Variants in NUP35 observed in about 807,000 individuals in gnomAD.
NUP35 encodes nucleoporin 35.
In NUP35, 25 loss-of-function variants were observed where a neutral mutation model predicts 41.5. That is an observed-to-expected ratio of 0.60 (90% confidence interval 0.44 to 0.84). The LOEUF is 0.84. NUP35 is among the 40% of genes least tolerant of loss of function. The pLI is 0.00. For missense variants in NUP35, 396 were observed against 396.6 expected (o/e 1.00, Z 0.01); for synonymous variants, 149 against 130.7 (o/e 1.14, Z -0.96).
chr2:183,127,297 T>C (rs1684528477), intron 1 of NUP35, among the ~76,000 whole-genome samples: 1 of 150,966 alleles, frequency 6.6e-6, no homozygotes, highest in South Asian at 2.1e-4. Flanking sequence ...TTTTTTTAAA[T>C]AAAAAAGATG....
At chr2:183,152,503 T>C (rs1685507215) in intron 5 of NUP35, among the ~76,000 whole-genome samples, 1 of 152,186 alleles carries the variant, frequency 6.6e-6, no homozygotes, top group African/African-American at 2.4e-5. Context: ...CATCATAGCT[T>C]AGCTCCCACT....
rs1194581029 is a variant in NUP35 at position 183,143,881 on chromosome 2, T to C, written c.398-7627T>C. On this transcript the variant is annotated intron_variant, in intron 4 of 8. Transcript: ENST00000295119. Reference sequence around the variant, plus strand: ...TGATTGGACATTGTACCATTCAATATGCTTTTTCGGTATAATGTGTGTGCC... The same window carrying C: ...TGATTGGACATTGTACCATTCAATACGCTTTTTCGGTATAATGTGTGTGCC... 3.3e-5 allele frequency among the ~76,000 whole-genome samples: 5 copies of C among 152,212 alleles called. No individual in the cohort carries two copies. The East Asian group carries it at 7.7e-4, about 23-fold the overall frequency.
chr2:183,160,391 T>G (rs1449687928), intron 8 of NUP35: 2 of 152,276 alleles, frequency 1.3e-5, no homozygotes, highest in African/African-American at 4.8e-5. Flanking sequence ...ATTCAATTTT[T>G]CTTTCTTTTG....
chr2:183,156,693 GAATTTTTTTTTTTCTTT>G (rs1400053034), intron 5 of NUP35, among the ~76,000 whole-genome samples: 20 of 135,380 alleles, frequency 1.5e-4, no homozygotes, highest in Admixed American at 1.4e-3. Context: ...TTTGAGACTC[GAATTTTTTTTTTTCTTT>G]AGGGTTCTAA....
chr2:183,145,126 TAA>T (rs1397117234), intron 4 of NUP35, among the ~76,000 whole-genome samples: 1 of 152,234 alleles, frequency 6.6e-6, no homozygotes, highest in Non-Finnish European at 1.5e-5. Context: ...TAAAATTAGT[TAA>T]GAGTATCTTT....
chr2:183,126,051 T>C (rs1372300859), intron 1 of NUP35, among the ~76,000 whole-genome samples: 2 of 152,148 alleles, frequency 1.3e-5, no homozygotes, highest in East Asian at 1.9e-4. Context: ...CTCCCTCCCT[T>C]CCTCTTTTTT....
intron 5 of NUP35, among the ~76,000 whole-genome samples, chr2:183,154,281 A>G (rs1685573452): frequency 1.3e-5 from 2 of 152,226 alleles, no homozygotes; most frequent in African/African-American, 2.4e-5. Context: ...CTTTCTAGCT[A>G]TGCAAATTTC....
chr2:183,122,356 A>G (rs1023560801), upstream of NUP35, among the ~76,000 whole-genome samples: 5 of 152,162 alleles, frequency 3.3e-5, no homozygotes, highest in East Asian at 5.8e-4. Context: ...GATTACAGGC[A>G]TGAGCCACCA....
chr2:183,141,419 A>G (rs1193929502), intron 4 of NUP35, among the ~76,000 whole-genome samples: 1 of 152,212 alleles, frequency 6.6e-6, no homozygotes, highest in African/African-American at 2.4e-5. Flanking sequence ...CAGCCACGTC[A>G]TCATATTGCT....
At chr2:183,124,607 C>G in intron 1 of NUP35, 110 bp downstream of exon 1, 1 of 1,413,098 alleles carries the variant, frequency 7.1e-7, no homozygotes, top group East Asian at 2.3e-5. Context: ...GTTTCAGTCG[C>G]GGAGAGGGAA....
chr2:183,128,402 A>G lies in NUP35; in HGVS notation c.156A>G (p.Arg52=). The G allele has an allele frequency of 6.2e-7, 1 of 1,614,070 alleles. No individual in the cohort carries two copies. Among genetic ancestry groups the G allele is most frequent in the Non-Finnish European group, 8.5e-7 (1 of 1,179,964 alleles). ...CAGCTCCGGTGACTCCACAACCTCG[A>G]TCAATTAGTGGCCCTTCAGTAGGAG... ...DLPAPVTPQP[R]SISGPSVGVM... is the part of the protein sequence containing the mutation. Residue 52 remains arginine (R), a synonymous_variant, in exon 2 of 9, where the codon CGA becomes CGG. Transcript: ENST00000295119.
At chr2:183,155,242 G>A (rs902358377) in intron 5 of NUP35, among the ~76,000 whole-genome samples, 1 of 152,158 alleles carries the variant, frequency 6.6e-6, no homozygotes, top group East Asian at 1.9e-4. Context: ...AGGAAGAAAG[G>A]TGCATAGTAA....
intron 5 of NUP35, among the ~76,000 whole-genome samples, chr2:183,153,611 A>G (rs1384198704): frequency 1.3e-5 from 2 of 152,220 alleles, no homozygotes; most frequent in Non-Finnish European, 2.9e-5. Flanking sequence ...ACGCTGATGC[A>G]AGAGGTGGGT....
At chr2:183,159,456 TA>T in intron 7 of NUP35, 31 bp from the exon 8 acceptor site, 4 of 1,574,490 alleles carry the variant, frequency 2.5e-6, no homozygotes, top group Non-Finnish European at 2.6e-6. Context: ...ATTATGTTTA[TA>T]AACAAAGGAG....
intron 1 of NUP35, among the ~76,000 whole-genome samples, chr2:183,126,821 A>C (rs1430988591): frequency 6.6e-6 from 1 of 152,120 alleles, no homozygotes; most frequent in Admixed American, 6.5e-5. Flanking sequence ...CAAACATTTG[A>C]CCCTTCTGAG....
intron 4 of NUP35, among the ~76,000 whole-genome samples, chr2:183,138,269 A>ATATATATATATTTTTTTTT: frequency 3.5e-4 from 28 of 80,676 alleles, no homozygotes; most frequent in South Asian, 2.4e-3. Context: ...ATATATATAT[A>ATATATATATATTTTTTTTT]TTTTTTTTTT....
intron 4 of NUP35, among the ~76,000 whole-genome samples, chr2:183,148,944 C>T (rs1055230870): frequency 6.6e-6 from 1 of 152,122 alleles, no homozygotes; most frequent in Non-Finnish European, 1.5e-5. Flanking sequence ...CAAAGCCAAG[C>T]TTTTTATCAC....
intron 1 of NUP35, among the ~76,000 whole-genome samples, chr2:183,125,218 G>A (rs1047107389): frequency 1.3e-5 from 2 of 151,344 alleles, no homozygotes; most frequent in African/African-American, 4.9e-5. Context: ...TCATTGCGGA[G>A]CCTCGTTGAA....
At chr2:183,132,468 C>T (rs1179871265) in intron 3 of NUP35, among the ~76,000 whole-genome samples, 4 of 151,646 alleles carry the variant, frequency 2.6e-5, no homozygotes, top group Non-Finnish European at 5.9e-5. Context: ...TGAGGTGGGA[C>T]GATTGCTTGA....
Sources: allele counts gnomAD v4.1 joint callset (sites outside exome capture counted in the v4.1 genomes callset), GRCh38; gene constraint gnomAD v4.1.1; transcripts MANE v1.5; gene names NCBI Gene and HGNC (gene_info 2026-07-23, HGNC 2026-07-21).